The following MICU2 variants were observed in gnomAD, a reference collection of about 807,000 sequenced individuals.
The protein encoded by MICU2 is mitochondrial calcium uptake 2, also known as calcium uptake protein 2, mitochondrial.
MICU2 carries 64 observed loss-of-function variants against 60.4 expected under a neutral mutation model. The observed-to-expected ratio is 1.06, with a 90% confidence interval of 0.87 to 1.31. The LOEUF (loss-of-function observed/expected upper bound fraction) is 1.31. Among genes scored for constraint, MICU2 ranks in the 50% most tolerant of loss-of-function variants. The probability of loss-of-function intolerance (pLI) is 0.00; values close to 1 mark genes in which losing one functional copy is unlikely to be tolerated. For missense variants in MICU2, 569 were observed against 531.0 expected, an observed-to-expected ratio of 1.07 and a Z score of -0.70; for synonymous variants, 201 against 175.0, an observed-to-expected ratio of 1.15 and a Z score of -1.17.
chr13:21,511,233 A>G (rs1157362723), intron 7 of MICU2, among the ~76,000 whole-genome samples: 1 of 152,192 alleles, frequency 6.6e-6, no homozygotes, highest in Non-Finnish European at 1.5e-5. Flanking sequence ...AGCTCAGGGG[A>G]AAAGATAAAT....
At chr13:21,539,224 T>A in intron 4 of MICU2, 78 bp downstream of exon 4, 1 of 1,285,046 alleles carries the variant, frequency 7.8e-7, no homozygotes, top group Admixed American at 1.9e-5. Context: ...ATGGTACAAA[T>A]CTCATACCTT....
At chr13:21,513,919 A>C (rs2138153263) in intron 7 of MICU2, among the ~76,000 whole-genome samples, 1 of 152,268 alleles carries the variant, frequency 6.6e-6, no homozygotes, top group South Asian at 2.1e-4. Flanking sequence ...GGAAGAATAC[A>C]CAAGAAACTA....
chr13:21,500,146 AGCATCAT>A (rs72183497), intron 9 of MICU2, among the ~76,000 whole-genome samples: 59,770 of 151,552 alleles, frequency 0.39, 12,409 homozygotes, highest in East Asian at 0.63. Flanking sequence ...TGGGCCTCTC[AGCATCAT>A]GCCCATGGGG....
At chr13:21,585,488 A>G (rs756642063) in intron 1 of MICU2, among the ~76,000 whole-genome samples, 11 of 152,210 alleles carry the variant, frequency 7.2e-5, no homozygotes, top group Non-Finnish European at 1.2e-4. Context: ...GTACACTCCA[A>G]TAAGTTCCAG....
At chr13:21,583,021 CT>C (rs1888380767) in intron 1 of MICU2, 2 of 152,668 alleles carry the variant, frequency 1.3e-5, no homozygotes, top group Admixed American at 1.3e-4. Context: ...AGGAAGCAAT[CT>C]TTTTACAACT....
chr13:21,563,323 C>T (rs1027628918), intron 2 of MICU2, among the ~76,000 whole-genome samples: 5 of 151,904 alleles, frequency 3.3e-5, no homozygotes, highest in South Asian at 2.1e-4. Context: ...GGCGTGGTGG[C>T]GGGCACCTGT....
intron 1 of MICU2, among the ~76,000 whole-genome samples, chr13:21,585,137 C>T (rs1417973188): frequency 4.6e-5 from 7 of 152,206 alleles, no homozygotes; most frequent in Admixed American, 2.6e-4. Flanking sequence ...ACAGCTATGC[C>T]AAAAGCACAA....
intron 11 of MICU2, among the ~76,000 whole-genome samples, chr13:21,494,115 C>T (rs980108037): frequency 1.4e-4 from 21 of 151,996 alleles, no homozygotes; most frequent in Admixed American, 6.6e-4. Flanking sequence ...CTTAATTTCC[C>T]GGAATATATT....
At chr13:21,495,920 A>G (rs1299896645) in intron 10 of MICU2, 132 bp downstream of exon 10, 1 of 613,928 alleles carries the variant, frequency 1.6e-6, no homozygotes, top group Non-Finnish European at 2.8e-6. Context: ...ATCTAGAATA[A>G]CCACACTGAA....
At chr13:21,536,966 T>G (rs1887144789) in intron 4 of MICU2, among the ~76,000 whole-genome samples, 1 of 152,240 alleles carries the variant, frequency 6.6e-6, no homozygotes, top group South Asian at 2.1e-4. Context: ...GCTTAGAAAC[T>G]GTAAATTCAG....
intron 4 of MICU2, among the ~76,000 whole-genome samples, chr13:21,533,464 C>G (rs1017191958): frequency 1.3e-5 from 2 of 149,838 alleles, no homozygotes; most frequent in South Asian, 4.2e-4. Context: ...GCTGGGAATA[C>G]AGGTGCCGGC....
chr13:21,573,551 T>C (rs531010351), intron 1 of MICU2, among the ~76,000 whole-genome samples: 34 of 152,030 alleles, frequency 2.2e-4, no homozygotes, highest in Non-Finnish European at 4.9e-4. Flanking sequence ...GGATTACAGG[T>C]GTGAGCCACT....
intron 2 of MICU2, among the ~76,000 whole-genome samples, chr13:21,544,894 C>T (rs1341968815): frequency 6.6e-6 from 1 of 152,182 alleles, no homozygotes; most frequent in Non-Finnish European, 1.5e-5. Context: ...TCAAGCAATC[C>T]TCCCACCTCA....
chr13:21,574,400 T>C (rs1331037930), intron 1 of MICU2, among the ~76,000 whole-genome samples: 1 of 152,208 alleles, frequency 6.6e-6, no homozygotes, highest in East Asian at 1.9e-4. Flanking sequence ...GGATTACTTG[T>C]AATGCAGTAA....
At chr13:21,597,930 C>CAAAAAA (rs11428461) in intron 1 of MICU2, among the ~76,000 whole-genome samples, 5 of 84,698 alleles carry the variant, frequency 5.9e-5, no homozygotes, top group Non-Finnish European at 8.8e-5. Context: ...GACTCTGTCT[C>CAAAAAA]AAAAAAAAAA....
intron 7 of MICU2, among the ~76,000 whole-genome samples, chr13:21,513,810 T>G (rs1886494734): frequency 7.1e-6 from 1 of 141,122 alleles, no homozygotes; most frequent in Admixed American, 7.2e-5. Context: ...TGTGGAACAA[T>G]GTAGAGTATG....
At chr13:21,552,197 T>C (rs1217085177) in intron 2 of MICU2, among the ~76,000 whole-genome samples, 5 of 152,248 alleles carry the variant, frequency 3.3e-5, no homozygotes, top group African/African-American at 7.2e-5. Context: ...TTGATGAGCA[T>C]TTTTTCATGT....
In MICU2 at chr13:21,503,039, C is replaced by CT. The variant is rs767707249; in HGVS notation, c.819dup (p.Gly274ArgfsTer19). On this transcript the variant is annotated frameshift_variant, in exon 9 of 12. Transcript: ENST00000382374. LOFTEE classifies it high-confidence loss of function. Reference sequence around the variant, plus strand: ...TCTTCTTTTCTCATGAAACTCAAACCTTTAGAAAACTGAAGGAATTCCATT... The same window carrying CT: ...TCTTCTTTTCTCATGAAACTCAAACCTTTTAGAAAACTGAAGGAATTCCATT... The CT allele has an allele frequency of 6.2e-6, 10 of 1,607,792 alleles. No homozygotes were observed. In the South Asian group the frequency reaches 1.1e-4, roughly 18 times the overall value.
intron 6 of MICU2, among the ~76,000 whole-genome samples, chr13:21,515,098 T>TC: frequency 6.6e-6 from 1 of 151,784 alleles, no homozygotes; most frequent in African/African-American, 2.4e-5. Context: ...TTTTTTTTTT[T>TC]TGAGACGGAG....
Sources: gnomAD v4.1 joint callset for allele counts (sites outside exome capture counted in the v4.1 genomes callset) on GRCh38, gnomAD v4.1.1 for gene constraint, MANE v1.5 for transcripts, NCBI Gene and HGNC (gene_info 2026-07-23, HGNC 2026-07-21) for gene names.